IL18RAP: variants seen among roughly 807,000 people sequenced by gnomAD.
IL18RAP encodes interleukin 18 receptor accessory protein.
Under a neutral mutation model 58.1 loss-of-function variants are expected in IL18RAP, and 37 were observed. The ratio of observed to expected loss-of-function variants is 0.64; its 90% CI spans 0.49 to 0.84. The LOEUF (loss-of-function observed/expected upper bound fraction) is 0.84, where lower values mean the gene tolerates loss of function less well. Among genes scored for constraint, IL18RAP ranks in the 40% least tolerant of loss-of-function variants. The probability of loss-of-function intolerance (pLI) is 0.00; values close to 1 mark genes in which losing one functional copy is unlikely to be tolerated. For missense variants in IL18RAP, 667 were observed against 704.8 expected (o/e 0.95, Z 0.61); for synonymous variants, 268 against 257.5 (o/e 1.04, Z -0.39).
intron 6 of IL18RAP, among the ~76,000 whole-genome samples, chr2:102,444,195 G>C (rs1325519092): frequency 6.6e-6 from 1 of 152,176 alleles, no homozygotes; most frequent in African/African-American, 2.4e-5. Context: ...AAAAAGTACA[G>C]AACAGATTTT....
intron 6 of IL18RAP, among the ~76,000 whole-genome samples, chr2:102,444,193 C>T (rs1034075652): frequency 6.6e-6 from 1 of 152,116 alleles, no homozygotes; most frequent in South Asian, 2.1e-4. Flanking sequence ...CAAAAAAGTA[C>T]AGAACAGATT....
Position 102,452,108 on chromosome 2 carries a change from C to G in IL18RAP, c.1727C>G (p.Ser576Cys). 1 of 1,614,122 alleles carries G rather than the reference C, an allele frequency of 6.2e-7. No homozygotes were observed. The highest frequency in any genetic ancestry group is 1.1e-5 in the South Asian group (1 of 91,074). ...ACGTGGAACCAGCTCAGAATTACCT[C>G]TAGGATTTTTCAGTGGAAAGGACTC... ...GFTWNQLRIT[S>C]RIFQWKGLSR... The change falls in exon 10 of 10, where the codon TCT becomes TGT. Residue 576 changes from serine to cysteine, a missense_variant. By Grantham distance (112) the Ser-to-Cys change is moderately radical (BLOSUM62 -1). Transcript: ENST00000687160.
chr2:102,445,947 A>G (rs1558646437), intron 7 of IL18RAP, among the ~76,000 whole-genome samples: 1 of 152,236 alleles, frequency 6.6e-6, no homozygotes, highest in Non-Finnish European at 1.5e-5. Context: ...AGTTATAAGC[A>G]GGTTTGAATG....
At position 102,443,057 on chromosome 2, in the gene IL18RAP, G is replaced by T. The variant is rs907155097; in HGVS notation, c.797-143G>T. The stretch of plus-strand genomic sequence containing the variant: ...ATTTCTGAATGAGAGCTGTGTAGAC[G>T]TTTCATTATTTCTGGCACACATATT... On this transcript the variant is annotated intron_variant, in intron 5 of 9. Coordinates refer to ENST00000687160, the MANE Select transcript of IL18RAP (RefSeq NM_001393487.1). The T allele has an allele frequency of 5.6e-6, 4 of 720,122 alleles. No homozygotes were observed. In the East Asian group the frequency reaches 1.1e-4, roughly 19 times the overall value. The allele number at this position is 720,122 out of a possible 1,614,324, so 44.6% of individuals were successfully genotyped here.
intron 4 of IL18RAP, 135 bp downstream of exon 4, chr2:102,437,497 G>A: frequency 1.3e-6 from 1 of 762,132 alleles, no homozygotes; most frequent in Non-Finnish European, 1.9e-6. Context: ...AACCTTTCAT[G>A]TGGGCAAACA....
chr2:102,437,166 G>C, intron 3 of IL18RAP, 46 bp from the exon 4 acceptor site: 1 of 1,566,158 alleles, frequency 6.4e-7, no homozygotes, highest in Non-Finnish European at 8.6e-7. Flanking sequence ...ATTTCATAAA[G>C]TTTTTCTGTG....
intron 3 of IL18RAP, among the ~76,000 whole-genome samples, chr2:102,428,202 T>A (rs1390340254): frequency 6.6e-6 from 1 of 151,888 alleles, no homozygotes; most frequent in Non-Finnish European, 1.5e-5. Context: ...TGGTTCCATA[T>A]GAATTTAAGG....
upstream of IL18RAP, among the ~76,000 whole-genome samples, chr2:102,420,340 G>T (rs1189869747): frequency 4.6e-5 from 7 of 152,150 alleles, no homozygotes; most frequent in Admixed American, 1.3e-4. Flanking sequence ...TTGAGAATCT[G>T]ATTTAATAAG....
chr2:102,418,964 T>C (rs1417562823), upstream of IL18RAP: 1 of 152,362 alleles, frequency 6.6e-6, no homozygotes, highest in Non-Finnish European at 1.5e-5. Context: ...ACTTCTTTTT[T>C]TTCACTAGAT....
At chr2:102,439,445 T>C (rs563545615) in intron 4 of IL18RAP, 365 of 152,618 alleles carry the variant, frequency 2.4e-3, no homozygotes, top group Non-Finnish European at 4.2e-3. Context: ...CAAGCCAGCC[T>C]TTGAGCTGGT....
At chr2:102,431,456 A>G (rs2104322162) in intron 3 of IL18RAP, among the ~76,000 whole-genome samples, 1 of 152,344 alleles carries the variant, frequency 6.6e-6, no homozygotes, top group African/African-American at 2.4e-5. Flanking sequence ...CATGAATGTC[A>G]TCTTTCCCTA....
At chr2:102,424,493 G>A (rs190417015) in intron 3 of IL18RAP, 79 bp downstream of exon 3, 18 of 1,307,690 alleles carry the variant, frequency 1.4e-5, no homozygotes, top group East Asian at 7.0e-5. Flanking sequence ...ATGGAAAAGC[G>A]TGTTTGAGAA....
At chr2:102,437,167 T>A (rs184485380) in intron 3 of IL18RAP, 45 bp from the exon 4 acceptor site, 2 of 1,570,172 alleles carry the variant, frequency 1.3e-6, no homozygotes, top group African/African-American at 2.7e-5. Context: ...TTTCATAAAG[T>A]TTTTCTGTGG....
chr2:102,431,650 G>T (rs1001280615), intron 3 of IL18RAP, among the ~76,000 whole-genome samples: 1 of 151,406 alleles, frequency 6.6e-6, no homozygotes, highest in Non-Finnish European at 1.5e-5. Flanking sequence ...TGACATCACG[G>T]ATGCTTTCTT....
At position 102,437,347 on chromosome 2, in the gene IL18RAP, C is replaced by G; in HGVS notation, c.715C>G (p.Gln239Glu). 1 of 1,610,450 alleles carries G rather than the reference C, an allele frequency of 6.2e-7. No individual in the cohort carries two copies. The change falls in exon 4 of 10, where the codon CAA becomes GAA. Residue 239 changes from glutamine to glutamate, a missense_variant. Physicochemically the swap from Gln to Glu is conservative, Grantham distance 29 (BLOSUM62 2). Coordinates refer to ENST00000687160, the MANE Select transcript of IL18RAP (RefSeq NM_001393487.1). The part of the protein sequence containing the change: ...VSSWTVRAVV[Q>E]VRTIVGDTKL... Reference sequence around the variant, plus strand: ...TTCGTGGACAGTCAGAGCTGTTGTTCAAGTGAGAACCATTGGTAAGTGAGA... The same window carrying G: ...TTCGTGGACAGTCAGAGCTGTTGTTGAAGTGAGAACCATTGGTAAGTGAGA...
intron 8 of IL18RAP, among the ~76,000 whole-genome samples, chr2:102,448,344 G>C (rs1683558016): frequency 6.6e-6 from 1 of 152,156 alleles, no homozygotes; most frequent in Non-Finnish European, 1.5e-5. Flanking sequence ...AAAGTGAGAA[G>C]TCCTGTAAAA....
chr2:102,449,241 C>T (rs2104386572), intron 8 of IL18RAP, among the ~76,000 whole-genome samples: 1 of 152,212 alleles, frequency 6.6e-6, no homozygotes, highest in Admixed American at 6.5e-5. Flanking sequence ...GCACTCCAGC[C>T]TGGGTGACAG....
chr2:102,422,114 T>A (rs887330684), upstream of IL18RAP, among the ~76,000 whole-genome samples: 8 of 152,256 alleles, frequency 5.3e-5, no homozygotes, highest in Non-Finnish European at 1.0e-4. Flanking sequence ...CTCCTCTCTC[T>A]CCACCCTGAA....
At chr2:102,427,702 T>A (rs990442914) in intron 3 of IL18RAP, among the ~76,000 whole-genome samples, 7 of 152,064 alleles carry the variant, frequency 4.6e-5, no homozygotes, top group Non-Finnish European at 7.4e-5. Flanking sequence ...TTTAGTTTTA[T>A]GCTATATCAT....
Sources: allele counts gnomAD v4.1 joint callset (sites outside exome capture counted in the v4.1 genomes callset), GRCh38; gene constraint gnomAD v4.1.1; transcripts MANE v1.5; gene names NCBI Gene and HGNC (gene_info 2026-07-23, HGNC 2026-07-21).